Variants in USP40 observed in about 807,000 individuals in gnomAD.
The protein encoded by USP40 is ubiquitin carboxyl-terminal hydrolase 40.
USP40 carries 143 observed loss-of-function variants against 166.2 expected under a neutral mutation model. The observed-to-expected ratio is 0.86, with a 90% CI of 0.75 to 0.99. USP40 has a LOEUF of 0.99. USP40 is among the 50% of genes least tolerant of loss of function. The pLI, the probability that USP40 is intolerant of heterozygous loss-of-function variation, is 0.00. For synonymous variants in USP40, 498 were observed against 524.0 expected (o/e 0.95, Z 0.68); for missense variants, 1,444 against 1,479.7 (o/e 0.98, Z 0.40).
At position 233,511,728 on chromosome 2, in the gene USP40, T is replaced by C; in HGVS notation, c.2507A>G (p.Lys836Arg). 1.9e-6 allele frequency: 3 copies of C among 1,611,812 alleles called. No individual in the cohort carries two copies. The highest frequency in any genetic ancestry group is 2.5e-6 in the Non-Finnish European group (3 of 1,179,138). The change falls in exon 20 of 32, where the codon AAA (lysine) becomes AGA (arginine). Residue 836 changes from lysine (K) to arginine (R), a missense_variant. By Grantham distance (26) the Lys-to-Arg change is conservative. Coordinates refer to ENST00000678225, the MANE Select transcript of USP40 (RefSeq NM_001365479.2). The part of the protein sequence containing the change: ...MGSSLGLCLG[K>R]APSSSQLFLF... ...TTTTACCTGAGACGAACTTGGTGCT[T>C]TTCCAAGACACAGTCCCAATGAACT...
intron 18 of USP40, among the ~76,000 whole-genome samples, chr2:233,514,337 G>A (rs149913131): frequency 3.9e-5 from 6 of 152,286 alleles, no homozygotes; most frequent in African/African-American, 1.4e-4. Context: ...TGTGGTCAGG[G>A]ATGAAAGGAG....
rs983112971 is a variant in USP40, at chr2:233,477,007, G to A, written c.*385C>T. ...GAGTCATCTGAACACGGAGGAAAGT[G>A]GCTGGCCTGACCCCACACACCTCCC... is the stretch of plus-strand genomic sequence containing the variant. On this transcript the variant is annotated 3_prime_UTR_variant, in exon 32 of 32. Coordinates refer to ENST00000678225, the MANE Select transcript of USP40 (RefSeq NM_001365479.2). 1 of 337,094 alleles carries A rather than the reference G, an allele frequency of 3.0e-6. No homozygotes were observed. Among genetic ancestry groups the A allele is most frequent in the African/African-American group, 2.2e-5 (1 of 46,354 alleles). The allele number at this position is 337,094 out of a possible 1,614,324, so 20.9% of individuals were successfully genotyped here. A position where few individuals can be genotyped will look rare whatever the true frequency, so the allele number is the denominator to read the frequency against.
At chr2:233,487,775 G>A (rs2065038597) in intron 28 of USP40, 1 of 337,108 alleles carries the variant, frequency 3.0e-6, no homozygotes, top group South Asian at 2.3e-5. Context: ...TAAGGATATA[G>A]CAATGAATAA....
chr2:233,514,781 TATA>T (rs2067073007), intron 18 of USP40, among the ~76,000 whole-genome samples: 1 of 152,180 alleles, frequency 6.6e-6, no homozygotes, highest in East Asian at 1.9e-4. Flanking sequence ...ATAATTTTCT[TATA>T]ATAAAATACA....
chr2:233,532,774 T>TCA (rs1391265443), intron 11 of USP40, among the ~76,000 whole-genome samples: 1 of 151,944 alleles, frequency 6.6e-6, no homozygotes. Context: ...AGACCCTGTC[T>TCA]CTAAAAAAAT....
chr2:233,505,615 A>T (rs920587988), intron 21 of USP40, among the ~76,000 whole-genome samples: 1 of 152,210 alleles, frequency 6.6e-6, no homozygotes, highest in Admixed American at 6.5e-5. Context: ...CAATATACTA[A>T]GATTAAATGA....
chr2:233,521,035 C>T lies in USP40; in HGVS notation c.2281G>A (p.Glu761Lys). 1.9e-6 allele frequency: 3 copies of T among 1,613,548 alleles called. No individual in the cohort carries two copies. The highest frequency in any genetic ancestry group is 2.5e-6 in the Non-Finnish European group (3 of 1,179,670). ...WLHVKNLCQL[E>K]SEEKQVKISA... The stretch of plus-strand genomic sequence containing the variant: ...ATTTTAACTTGCTTCTCTTCAGATT[C>T]TAACTGGCATAAATTTTTAACGTGG... The change falls in exon 17 of 32, where the codon GAA becomes AAA. Residue 761 changes from glutamate to lysine, a missense_variant. Coordinates refer to ENST00000678225, the MANE Select transcript of USP40 (RefSeq NM_001365479.2).
intron 10 of USP40, among the ~76,000 whole-genome samples, chr2:233,535,328 G>A (rs571770926): frequency 6.6e-6 from 1 of 152,326 alleles, no homozygotes; most frequent in African/African-American, 2.4e-5. Flanking sequence ...AAATTAGAAA[G>A]AGATAGCAAA....
rs777496755 is a variant in USP40 at position 233,481,282 on chromosome 2, C to T, written c.3520G>A (p.Asp1174Asn). 27 of 1,602,358 alleles carry T rather than the reference C, an allele frequency of 1.7e-5. No homozygotes were observed. The highest frequency in any genetic ancestry group is 1.4e-4 in the South Asian group (12 of 88,606). The change falls in exon 31 of 32, where the codon GAC becomes AAC. Residue 1174 changes from aspartate to asparagine, a missense_variant. Asp to Asn is a conservative substitution (Grantham distance 23). Transcript: ENST00000678225. The part of the protein sequence containing the change: ...TIGVKNLLID[D>N]DDDFSTIRDD... The stretch of plus-strand genomic sequence containing the variant: ...CTGATTGTACTGAAATCATCATCGT[C>T]GTCAATCAGGAGATTCTACATTTCA...
At chr2:233,564,130 A>G (rs2071920963) in intron 2 of USP40, among the ~76,000 whole-genome samples, 1 of 152,170 alleles carries the variant, frequency 6.6e-6, no homozygotes, top group Admixed American at 6.5e-5. Context: ...CCCACATGCA[A>G]TCCAACCCAT....
At chr2:233,481,367 T>C (rs1374869962) in intron 30 of USP40, 70 bp from the exon 31 acceptor site, 2 of 1,292,516 alleles carry the variant, frequency 1.5e-6, no homozygotes, top group Non-Finnish European at 2.2e-6. Flanking sequence ...AAGAGGCATG[T>C]CTAAAAAACT....
intron 6 of USP40, among the ~76,000 whole-genome samples, chr2:233,552,319 T>C (rs2070653287): frequency 6.6e-6 from 1 of 151,742 alleles, no homozygotes; most frequent in Admixed American, 6.6e-5. Flanking sequence ...GTAATTCAAC[T>C]ATAATGTGGC....
At chr2:233,521,627 C>G (rs2125216959) in intron 16 of USP40, among the ~76,000 whole-genome samples, 1 of 152,264 alleles carries the variant, frequency 6.6e-6, no homozygotes, top group Middle Eastern at 3.4e-3. Context: ...AACATTTTCC[C>G]ACAGATAGTA....
Position 233,521,121 on chromosome 2 carries a change from G to A in USP40, c.2202-7C>T. The A allele has an allele frequency of 6.2e-7, 1 of 1,606,138 alleles. No individual in the cohort carries two copies. The highest frequency in any genetic ancestry group is 8.5e-7 in the Non-Finnish European group (1 of 1,177,228). On this transcript the variant is annotated splice_region_variant and splice_polypyrimidine_tract_variant and intron_variant, in intron 16 of 31. Coordinates refer to ENST00000678225, the MANE Select transcript of USP40 (RefSeq NM_001365479.2). ...CTCTTCCTTGGTCAACAAGCTGTAG[G>A]TAAAAAGAAAAGATCAGAAATTAAT...
chr2:233,543,582 G>C (rs561967121), intron 8 of USP40, among the ~76,000 whole-genome samples: 43 of 152,336 alleles, frequency 2.8e-4, no homozygotes, highest in Admixed American at 5.2e-4. Context: ...GAGCCCTCAT[G>C]AATGGGAGTA....
At chr2:233,553,596 A>G (rs1030173864) in intron 6 of USP40, among the ~76,000 whole-genome samples, 13 of 152,226 alleles carry the variant, frequency 8.5e-5, no homozygotes, top group Non-Finnish European at 1.6e-4. Flanking sequence ...CTTAAGATGC[A>G]TGAAAATAAC....
At chr2:233,558,035 G>A (rs1436957174) in intron 4 of USP40, among the ~76,000 whole-genome samples, 2 of 143,860 alleles carry the variant, frequency 1.4e-5, no homozygotes, top group African/African-American at 2.5e-5. Context: ...AGTTTTGTGT[G>A]AAGAGCAGCA....
At chr2:233,558,925 ATAGT>A (rs2071335682) in intron 4 of USP40, among the ~76,000 whole-genome samples, 1 of 152,160 alleles carries the variant, frequency 6.6e-6, no homozygotes, top group African/African-American at 2.4e-5. Context: ...CCTTAATCAC[ATAGT>A]TAGTATCACC....
intron 23 of USP40, among the ~76,000 whole-genome samples, chr2:233,497,072 G>C (rs535202954): frequency 6.6e-6 from 1 of 152,316 alleles, no homozygotes; most frequent in South Asian, 2.1e-4. Flanking sequence ...GATGAGATGA[G>C]AAATGAGAAA....
Sources: allele counts gnomAD v4.1 joint callset (sites outside exome capture counted in the v4.1 genomes callset), GRCh38; gene constraint gnomAD v4.1.1; transcripts MANE v1.5; gene names NCBI Gene and HGNC (gene_info 2026-07-23, HGNC 2026-07-21).